Variants in KCNIP4 observed in about 807,000 individuals in gnomAD.
KCNIP4 encodes potassium voltage-gated channel interacting protein 4.
A neutral mutation model predicts 34.0 loss-of-function variants in KCNIP4; 12 were observed. The ratio of observed to expected loss-of-function variants is 0.35; its 90% confidence interval spans 0.23 to 0.57. KCNIP4 has a LOEUF of 0.57. Among genes scored for constraint, KCNIP4 ranks in the 20% least tolerant of loss-of-function variants. KCNIP4 has a pLI of 0.83. For synonymous variants in KCNIP4, 124 were observed against 102.2 expected (o/e 1.21, Z -1.29); for missense variants, 238 against 311.7 (o/e 0.76, Z 1.78).
chr4:21,638,057 A>G (rs1356190306), intron 1 of KCNIP4, among the ~76,000 whole-genome samples: 1 of 152,186 alleles, frequency 6.6e-6, no homozygotes, highest in Admixed American at 6.5e-5. Context: ...AAAGAGTAAG[A>G]CAATATAACA....
At chr4:21,655,928 A>G (rs945472738) in intron 1 of KCNIP4, among the ~76,000 whole-genome samples, 3 of 152,216 alleles carry the variant, frequency 2.0e-5, no homozygotes, top group African/African-American at 4.8e-5. Context: ...AGGACAGTTT[A>G]TCCTTAACTG....
chr4:21,377,973 G>T (rs537841537), intron 1 of KCNIP4, among the ~76,000 whole-genome samples: 1 of 152,090 alleles, frequency 6.6e-6, no homozygotes, highest in African/African-American at 2.4e-5. Context: ...TGGTGGTGGC[G>T]GGTACTTGCT....
chr4:21,234,468 AATATATAGT>A (rs1759182334), intron 1 of KCNIP4, among the ~76,000 whole-genome samples: 1 of 107,664 alleles, frequency 9.3e-6, no homozygotes. Flanking sequence ...TAACGTATAT[AATATATAGT>A]ACATATAACG....
intron 1 of KCNIP4, among the ~76,000 whole-genome samples, chr4:21,241,810 G>A (rs1759834790): frequency 6.6e-6 from 1 of 152,092 alleles, no homozygotes; most frequent in Non-Finnish European, 1.5e-5. Context: ...ATCAAAAGTG[G>A]TGTGGAATAT....
intron 1 of KCNIP4, among the ~76,000 whole-genome samples, chr4:21,581,414 C>G (rs370517735): frequency 6.6e-6 from 1 of 151,756 alleles, no homozygotes; most frequent in African/African-American, 2.4e-5. Context: ...ATAATAAAAC[C>G]CACAATATTC....
chr4:21,617,203 A>G (rs1744668046), intron 1 of KCNIP4, among the ~76,000 whole-genome samples: 1 of 152,206 alleles, frequency 6.6e-6, no homozygotes, highest in African/African-American at 2.4e-5. Flanking sequence ...TACATTACAA[A>G]ATAGAGTAAT....
At chr4:21,725,534 C>T (rs1466444834) in intron 1 of KCNIP4, among the ~76,000 whole-genome samples, 1 of 152,158 alleles carries the variant, frequency 6.6e-6, no homozygotes, top group Admixed American at 6.6e-5. Flanking sequence ...GAATGATAGA[C>T]ATAAGCCTTC....
At chr4:20,916,299 G>A (rs1452478350) in intron 1 of KCNIP4, 34 of 984,616 alleles carry the variant, frequency 3.5e-5, no homozygotes, top group Non-Finnish European at 4.1e-5. Flanking sequence ...CGTAACCTCA[G>A]AGTGGCTTTT....
chr4:20,937,222 C>CTTTTTTTTTT (rs397992488), intron 1 of KCNIP4, among the ~76,000 whole-genome samples: 1 of 45,524 alleles, frequency 2.2e-5, no homozygotes, highest in Non-Finnish European at 4.3e-5. Context: ...CCCAAGGAGT[C>CTTTTTTTTTT]TTTTTTTTTT....
chr4:21,392,194 A>G (rs1722624968), intron 1 of KCNIP4, among the ~76,000 whole-genome samples: 1 of 152,346 alleles, frequency 6.6e-6, no homozygotes, highest in East Asian at 1.9e-4. Flanking sequence ...GCTATCTGCC[A>G]TATGAGAATT....
intron 3 of KCNIP4, among the ~76,000 whole-genome samples, chr4:20,795,520 A>G (rs1713339333): frequency 6.6e-6 from 1 of 152,118 alleles, no homozygotes; most frequent in South Asian, 2.1e-4. Flanking sequence ...TCTCTGAATC[A>G]TAGTTAGTAT....
intron 1 of KCNIP4, among the ~76,000 whole-genome samples, chr4:21,215,798 C>T (rs551026684): frequency 6.6e-6 from 1 of 152,096 alleles, no homozygotes; most frequent in South Asian, 2.1e-4. Context: ...CCAAGATATT[C>T]TTTGTTGTTG....
intron 3 of KCNIP4, among the ~76,000 whole-genome samples, chr4:20,835,048 C>T (rs952332082): frequency 5.3e-5 from 8 of 151,852 alleles, no homozygotes; most frequent in African/African-American, 1.9e-4. Context: ...TTTTTTTCTC[C>T]TGTTAGATCA....
chr4:21,404,789 G>A (rs1289063013), intron 1 of KCNIP4, among the ~76,000 whole-genome samples: 1 of 152,022 alleles, frequency 6.6e-6, no homozygotes, highest in Non-Finnish European at 1.5e-5. Context: ...TATTAGTCTG[G>A]GACAGATGGC....
At chr4:21,069,625 G>A (rs1744715916) in intron 1 of KCNIP4, among the ~76,000 whole-genome samples, 1 of 152,174 alleles carries the variant, frequency 6.6e-6, no homozygotes, top group Non-Finnish European at 1.5e-5. Flanking sequence ...GATTGACAGA[G>A]GAGGATCAAA....
At chr4:20,832,307 G>C (rs1347052400) in intron 3 of KCNIP4, among the ~76,000 whole-genome samples, 1 of 152,122 alleles carries the variant, frequency 6.6e-6, no homozygotes, top group East Asian at 1.9e-4. Context: ...GCCTAGAGTT[G>C]AAGTGGTGTA....
At position 21,891,796 on chromosome 4, in the gene KCNIP4, C is replaced by A. The variant is rs182664663; in HGVS notation, c.61+56775G>T. On this transcript the variant is annotated intron_variant, in intron 1 of 8. Transcript: ENST00000382152. Reference sequence around the variant, plus strand: ...TCACCGGTTTCTGAAATTCTACAATCAGAAAGTTGTCCCTTTAAATCAAAG... The same window carrying A: ...TCACCGGTTTCTGAAATTCTACAATAAGAAAGTTGTCCCTTTAAATCAAAG... Among the ~76,000 whole-genome samples the A allele has an allele frequency of 9.2e-5, 14 of 152,206 alleles. No homozygotes were observed. The East Asian group carries it at 2.7e-3, about 29-fold the overall frequency.
intron 1 of KCNIP4, among the ~76,000 whole-genome samples, chr4:21,450,661 C>T (rs964075347): frequency 1.1e-4 from 17 of 152,126 alleles, no homozygotes; most frequent in African/African-American, 3.4e-4. Flanking sequence ...TAGACAATCT[C>T]GGTTAGCACG....
At chr4:21,147,439 T>G (rs1045853646) in intron 1 of KCNIP4, among the ~76,000 whole-genome samples, 14 of 152,176 alleles carry the variant, frequency 9.2e-5, no homozygotes, top group African/African-American at 3.1e-4. Context: ...TCTTCCTGAC[T>G]TGGACCCTGA....
Sources: allele counts gnomAD v4.1 joint callset (sites outside exome capture counted in the v4.1 genomes callset), GRCh38; gene constraint gnomAD v4.1.1; transcripts MANE v1.5; gene names NCBI Gene and HGNC (gene_info 2026-07-23, HGNC 2026-07-21).